Variants in TRPS1 observed in about 807,000 individuals in gnomAD.
TRPS1 encodes the protein transcriptional repressor GATA binding 1.
In TRPS1, 6 loss-of-function variants were observed where a neutral mutation model predicts 101.2. The ratio of observed to expected loss-of-function variants is 0.06; its 90% CI spans 0.03 to 0.12. The LOEUF (loss-of-function observed/expected upper bound fraction) is 0.12. Ranked by LOEUF, TRPS1 falls within the 10% of genes least tolerant of loss-of-function variation. The pLI, the probability that TRPS1 is intolerant of heterozygous loss-of-function variation, is 1.00. For missense variants in TRPS1, 1,363 were observed against 1,567.0 expected (o/e 0.87, Z 2.20); for synonymous variants, 578 against 589.8 (o/e 0.98, Z 0.29).
Position 115,411,590 on chromosome 8 carries a change from C to T in TRPS1, c.*2433G>A, listed in dbSNP as rs778117043. The stretch of plus-strand genomic sequence containing the variant: ...TTGTCACCTCTCAAGTCTGGCTATA[C>T]ATTTTGAGATGCATCCATCAAAATT... On this transcript the variant is annotated 3_prime_UTR_variant, in exon 7 of 7. Transcript: ENST00000395715. 32 of 152,450 alleles carry T rather than the reference C, an allele frequency of 2.1e-4. No individual in the cohort carries two copies. The highest frequency in any genetic ancestry group is 4.1e-4 in the Non-Finnish European group (28 of 67,972). The allele number at this position is 152,450 out of a possible 1,614,324, so 9.4% of individuals were successfully genotyped here.
intron 5 of TRPS1, among the ~76,000 whole-genome samples, chr8:115,470,970 A>C (rs1814454704): frequency 6.6e-6 from 1 of 152,206 alleles, no homozygotes; most frequent in Non-Finnish European, 1.5e-5. Flanking sequence ...TTATCTGTAC[A>C]ACATAGTGTT....
At chr8:115,647,549 G>A (rs2205380) in intron 1 of TRPS1, among the ~76,000 whole-genome samples, 69,505 of 151,958 alleles carry the variant, frequency 0.46, 17,912 homozygotes, top group African/African-American at 0.69. Context: ...TTTTGATTAA[G>A]TGACTTTATT....
At chr8:115,632,183 CA>C (rs1465707828) in intron 1 of TRPS1, among the ~76,000 whole-genome samples, 6 of 151,964 alleles carry the variant, frequency 3.9e-5, no homozygotes, top group Admixed American at 2.6e-4. Flanking sequence ...ACATGAACAT[CA>C]TATGGTATGT....
chr8:115,533,859 G>C (rs1000612011), intron 5 of TRPS1, among the ~76,000 whole-genome samples: 18 of 151,964 alleles, frequency 1.2e-4, no homozygotes, highest in African/African-American at 4.3e-4. Context: ...TTTGTGTGTG[G>C]GAGAGTCAGA....
At chr8:115,450,384 A>G (rs188258294) in intron 5 of TRPS1, among the ~76,000 whole-genome samples, 1 of 152,298 alleles carries the variant, frequency 6.6e-6, no homozygotes, top group Admixed American at 6.5e-5. Flanking sequence ...TGCTTTGAAC[A>G]TGCTTTTCAT....
Position 115,619,448 on chromosome 8 carries a change from A to C in TRPS1, c.650T>G (p.Leu217Ter). The C allele has an allele frequency of 6.2e-7, 1 of 1,614,140 alleles. No individual in the cohort carries two copies. The highest frequency in any genetic ancestry group is 1.1e-5 in the South Asian group (1 of 91,076). ...CGGGTCTGGGTTGTCATTCACCAGT[A>C]AGTCAGTTTTGGATTTATTCAGTCT... ...GVRLNKSKTDLLVNDNPDPAP... is the reference protein window; with the variant it reads ...GVRLNKSKTD Residue 217 changes from leucine (L) to a stop codon, truncating the protein, a stop_gained, in exon 3 of 7, where the codon TTA (leucine) becomes TGA (stop). Coordinates refer to ENST00000395715, the MANE Select transcript of TRPS1 (RefSeq NM_014112.5). LOFTEE classifies it high-confidence loss of function.
intron 5 of TRPS1, among the ~76,000 whole-genome samples, chr8:115,474,737 C>T (rs1814557230): frequency 1.3e-5 from 2 of 151,956 alleles, no homozygotes; most frequent in East Asian, 1.9e-4. Context: ...AGGCAAATTT[C>T]GGTTTCAAAT....
chr8:115,645,557 C>A (rs900437531), intron 1 of TRPS1, among the ~76,000 whole-genome samples: 5 of 151,954 alleles, frequency 3.3e-5, no homozygotes, highest in Non-Finnish European at 7.4e-5. Context: ...ATAAGACAGT[C>A]ATTAACTTTG....
At chr8:115,470,998 G>A (rs753455961) in intron 5 of TRPS1, among the ~76,000 whole-genome samples, 5 of 152,124 alleles carry the variant, frequency 3.3e-5, no homozygotes, top group Non-Finnish European at 5.9e-5. Context: ...TGTGATTAAC[G>A]CAAATATCAC....
intron 5 of TRPS1, among the ~76,000 whole-genome samples, chr8:115,536,648 T>C (rs1816330549): frequency 6.6e-6 from 1 of 152,046 alleles, no homozygotes; most frequent in Admixed American, 6.6e-5. Flanking sequence ...GTAATTAATA[T>C]AAAAGGTACC....
rs1384158313 is a variant in TRPS1, at chr8:115,421,729, G to C, written c.2701-3277C>G. 2.0e-5 allele frequency among the ~76,000 whole-genome samples: 3 copies of C among 152,274 alleles called. No homozygotes were observed. In the East Asian group the frequency reaches 5.8e-4, roughly 29 times the overall value. Reference sequence around the variant, plus strand: ...TTTCTGGAAGTAGCAGAGAAGGTGGGAGAAGTGGGTAGTGTCCTGAGCTGT... The same window carrying C: ...TTTCTGGAAGTAGCAGAGAAGGTGGCAGAAGTGGGTAGTGTCCTGAGCTGT... On this transcript the variant is annotated intron_variant, in intron 5 of 6. Transcript: ENST00000395715.
rs900330067 is a variant in TRPS1, at chr8:115,417,057, A to G, written c.2823+1273T>C. Among the ~76,000 whole-genome samples, 3 of 152,280 alleles carry G rather than the reference A, an allele frequency of 2.0e-5. No homozygotes were observed. The East Asian group carries it at 5.8e-4, about 29-fold the overall frequency. On this transcript the variant is annotated intron_variant, in intron 6 of 6. Transcript: ENST00000395715. ...AAAACATCTTACCTCTGGAGAGATG[A>G]ATATTAAAATAATTTTTAGAAAATA... is the stretch of plus-strand genomic sequence containing the variant.
At chr8:115,439,672 C>G (rs1813542140) in intron 5 of TRPS1, among the ~76,000 whole-genome samples, 1 of 152,212 alleles carries the variant, frequency 6.6e-6, no homozygotes, top group Admixed American at 6.5e-5. Context: ...TGTTCTGGAA[C>G]AGCTGTAAAA....
At chr8:115,658,519 G>A (rs1811726432) in intron 1 of TRPS1, among the ~76,000 whole-genome samples, 1 of 151,284 alleles carries the variant, frequency 6.6e-6, no homozygotes, top group Non-Finnish European at 1.5e-5. Context: ...ACTGAAAATG[G>A]GAAAAATTAA....
intron 5 of TRPS1, among the ~76,000 whole-genome samples, chr8:115,523,481 G>A (rs764968456): frequency 1.3e-5 from 2 of 151,968 alleles, no homozygotes; most frequent in African/African-American, 2.4e-5. Context: ...GCAGTGAGCC[G>A]AGATCACTCT....
At chr8:115,657,487 T>C (rs1811701518) in intron 1 of TRPS1, among the ~76,000 whole-genome samples, 1 of 152,144 alleles carries the variant, frequency 6.6e-6, no homozygotes, top group Admixed American at 6.6e-5. Context: ...CAGAAACAAG[T>C]AAACTCCTTA....
chr8:115,567,789 A>T (rs1458382796), intron 5 of TRPS1, among the ~76,000 whole-genome samples: 1 of 152,086 alleles, frequency 6.6e-6, no homozygotes, highest in Non-Finnish European at 1.5e-5. Flanking sequence ...CCTAACGTGC[A>T]ATCCACTATG....
intron 4 of TRPS1, among the ~76,000 whole-genome samples, chr8:115,595,560 T>C (rs1054824913): frequency 6.6e-6 from 1 of 151,902 alleles, no homozygotes; most frequent in Admixed American, 6.6e-5. Context: ...GATGAGGTGC[T>C]CACATCTTCA....
intron 1 of TRPS1, among the ~76,000 whole-genome samples, chr8:115,657,414 AC>A (rs1811699942): frequency 6.6e-6 from 1 of 152,130 alleles, no homozygotes; most frequent in African/African-American, 2.4e-5. Context: ...ATTGAACTAC[AC>A]TAGCTCAACT....
Sources: allele counts gnomAD v4.1 joint callset (sites outside exome capture counted in the v4.1 genomes callset), GRCh38; gene constraint gnomAD v4.1.1; transcripts MANE v1.5; gene names NCBI Gene and HGNC (gene_info 2026-07-23, HGNC 2026-07-21).